Variants in SFI1 observed in about 807,000 individuals in gnomAD.
SFI1 encodes SFI1 centrin binding protein.
A neutral mutation model predicts 207.5 loss-of-function variants in SFI1; 195 were observed. The observed-to-expected ratio is 0.94, with a 90% CI of 0.84 to 1.06. The LOEUF (loss-of-function observed/expected upper bound fraction) is 1.06, where lower values mean the gene tolerates loss of function less well. Ranked by LOEUF, SFI1 falls within the 50% of genes least tolerant of loss-of-function variation. The pLI is 0.00. For missense variants in SFI1, 1,634 were observed against 1,588.0 expected (o/e 1.03, Z -0.49); for synonymous variants, 630 against 598.9 (o/e 1.05, Z -0.76).
At chr22:31,611,078 C>A in intron 22 of SFI1, 65 bp from the exon 23 acceptor site, 1 of 1,607,158 alleles carries the variant, frequency 6.2e-7, no homozygotes, top group South Asian at 1.1e-5. Flanking sequence ...TCTGCACCTT[C>A]ACCATTATGT....
intron 7 of SFI1, among the ~76,000 whole-genome samples, chr22:31,560,158 A>G (rs2061540427): frequency 6.6e-6 from 1 of 152,150 alleles, no homozygotes; most frequent in Admixed American, 6.6e-5. Flanking sequence ...AAATCTTTGT[A>G]GGTTAGAGTG....
chr22:31,565,070 G>T (rs990834371), intron 8 of SFI1, among the ~76,000 whole-genome samples: 3 of 149,874 alleles, frequency 2.0e-5, no homozygotes, highest in African/African-American at 7.4e-5. Context: ...TGATCCGCCT[G>T]CCTTGGCTTC....
At chr22:31,510,024 G>A (rs1250258438) in intron 2 of SFI1, among the ~76,000 whole-genome samples, 2 of 151,784 alleles carry the variant, frequency 1.3e-5, no homozygotes, top group Admixed American at 6.6e-5. Context: ...CAGTTCAAGC[G>A]ATTCTCCATC....
intron 12 of SFI1, among the ~76,000 whole-genome samples, chr22:31,580,944 A>G (rs1246022538): frequency 6.6e-6 from 1 of 152,128 alleles, no homozygotes; most frequent in East Asian, 1.9e-4. Context: ...AGTTGACTCA[A>G]AGTTCAGGGA....
intron 19 of SFI1, 167 bp from the exon 20 acceptor site, chr22:31,604,702 C>T (rs1257079665): frequency 2.3e-5 from 14 of 613,198 alleles, no homozygotes; most frequent in South Asian, 1.1e-4. Flanking sequence ...TTCTCCCTGT[C>T]GTCTGGGAGG....
intron 15 of SFI1, among the ~76,000 whole-genome samples, chr22:31,599,622 G>A (rs1348655976): frequency 1.3e-5 from 2 of 151,958 alleles, no homozygotes; most frequent in Non-Finnish European, 2.9e-5. Flanking sequence ...GAGCCACCGT[G>A]CCTAGCCCAG....
chr22:31,535,430 C>T (rs916392448), intron 4 of SFI1, among the ~76,000 whole-genome samples: 13 of 152,004 alleles, frequency 8.6e-5, no homozygotes, highest in East Asian at 3.9e-4. Context: ...CCTTGTGATC[C>T]GCCCGCCCTC....
chr22:31,567,568 AG>A (rs58289794), intron 8 of SFI1, among the ~76,000 whole-genome samples: 7,493 of 142,936 alleles, frequency 0.052, 176 homozygotes, highest in African/African-American at 0.069. Context: ...GTGTTTGTGG[AG>A]GGGGGGGGTG....
rs1024202597 is a variant in SFI1 at position 31,502,676 on chromosome 22, G to C, written c.-30-5579G>C. On this transcript the variant is annotated intron_variant, in intron 1 of 32. Transcript: ENST00000400288. Reference sequence around the variant, plus strand: ...GGCGTGAGCCACTGCGCCCGGCCAGGTTCAATTTTTTAGCAAGATTTCATC... The same window carrying C: ...GGCGTGAGCCACTGCGCCCGGCCAGCTTCAATTTTTTAGCAAGATTTCATC... 2.0e-5 allele frequency among the ~76,000 whole-genome samples: 3 copies of C among 152,058 alleles called. No individual in the cohort carries two copies. In the East Asian group the frequency reaches 5.8e-4, roughly 29 times the overall value.
At chr22:31,539,588 T>G (rs1457896960) in intron 4 of SFI1, among the ~76,000 whole-genome samples, 3 of 152,172 alleles carry the variant, frequency 2.0e-5, no homozygotes, top group Non-Finnish European at 4.4e-5. Flanking sequence ...CTGCTTACAC[T>G]GTGTTTCTTC....
intron 15 of SFI1, among the ~76,000 whole-genome samples, chr22:31,595,331 C>T (rs760628005): frequency 1.3e-5 from 2 of 152,212 alleles, no homozygotes; most frequent in Non-Finnish European, 2.9e-5. Context: ...AACTGTATGT[C>T]TGCCACTGTG....
chr22:31,600,313 A>T (rs2067898480), intron 15 of SFI1, among the ~76,000 whole-genome samples: 1 of 152,170 alleles, frequency 6.6e-6, no homozygotes, highest in African/African-American at 2.4e-5. Context: ...CTTCCTGTAC[A>T]TTTGAATGTT....
intron 1 of SFI1, among the ~76,000 whole-genome samples, chr22:31,503,529 A>T (rs934291595): frequency 8.6e-5 from 13 of 150,986 alleles, no homozygotes; most frequent in African/African-American, 2.9e-4. Context: ...TTAGAAGGTC[A>T]ATCTACATGT....
chr22:31,602,437 G>A, intron 16 of SFI1, 144 bp downstream of exon 16: 2 of 1,136,442 alleles, frequency 1.8e-6, no homozygotes, highest in South Asian at 2.7e-5. Context: ...CAGGCTCTGG[G>A]GCATCTGTCC....
Position 31,602,670 on chromosome 22 carries a change from G to T in SFI1, c.1690G>T (p.Ala564Ser). 2 of 1,614,218 alleles carry T rather than the reference G, an allele frequency of 1.2e-6. No individual in the cohort carries two copies. The highest frequency in any genetic ancestry group is 2.7e-5 in the African/African-American group (2 of 75,048). Residue 564 changes from alanine (A) to serine (S), a missense_variant, in exon 17 of 33, where the codon GCA becomes TCA. Physicochemically the swap from Ala to Ser is moderately conservative, Grantham distance 99 (BLOSUM62 1). Coordinates refer to ENST00000400288, the MANE Select transcript of SFI1 (RefSeq NM_001007467.3). The stretch of plus-strand genomic sequence containing the variant: ...TTGGTTCATGTGGCACCAGCAGGCA[G>T]CAGCACGTCACCAGGAGCAGGAGTG... ...RSWFMWHQQA[A>S]ARHQEQEWQT... is the part of the protein sequence containing the mutation.
At chr22:31,600,193 C>T (rs544891639) in intron 15 of SFI1, among the ~76,000 whole-genome samples, 120 of 152,244 alleles carry the variant, frequency 7.9e-4, no homozygotes, top group Non-Finnish European at 1.6e-3. Context: ...CAGCCTACAA[C>T]GTTACTATTT....
chr22:31,512,634 C>A (rs1480461700), intron 2 of SFI1, among the ~76,000 whole-genome samples: 1 of 151,612 alleles, frequency 6.6e-6, no homozygotes, highest in African/African-American at 2.4e-5. Context: ...TCTCCTGCCT[C>A]AGCCTCCCAA....
Position 31,508,335 on chromosome 22 carries a change from A to G in SFI1, c.51A>G (p.Gln17=). ...GTATATCAAGCCACAATTTCCATCA[A>G]AAAGTGATTAAGCAGAGAATGGAGA... ...EKCISSHNFH[Q]KVIKQRMEKK... The change falls in exon 2 of 33, where the codon CAA becomes CAG. Residue 17 remains glutamine (Q), a synonymous_variant. Coordinates refer to ENST00000400288, the MANE Select transcript of SFI1 (RefSeq NM_001007467.3). 1 of 1,613,576 alleles carries G rather than the reference A, an allele frequency of 6.2e-7. No homozygotes were observed. Among genetic ancestry groups the G allele is most frequent in the Non-Finnish European group, 8.5e-7 (1 of 1,179,736 alleles).
chr22:31,575,939 C>T (rs758158167), intron 10 of SFI1, among the ~76,000 whole-genome samples: 1 of 152,096 alleles, frequency 6.6e-6, no homozygotes, highest in Non-Finnish European at 1.5e-5. Flanking sequence ...GAAAGAGATT[C>T]AGAGGAGCTG....
Sources: allele counts gnomAD v4.1 joint callset (sites outside exome capture counted in the v4.1 genomes callset), GRCh38; gene constraint gnomAD v4.1.1; transcripts MANE v1.5; gene names NCBI Gene and HGNC (gene_info 2026-07-23, HGNC 2026-07-21).